CNP: variants seen among roughly 807,000 people sequenced by gnomAD.
The protein encoded by CNP is 2',3'-cyclic nucleotide 3' phosphodiesterase.
A neutral mutation model predicts 37.9 loss-of-function variants in CNP; 8 were observed. The ratio of observed to expected loss-of-function variants is 0.21; its 90% confidence interval spans 0.12 to 0.38. The LOEUF is 0.38. Ranked by LOEUF, CNP falls within the 10% of genes least tolerant of loss-of-function variation. The pLI is 1.00. For synonymous variants in CNP, 237 were observed against 238.3 expected (o/e 0.99, Z 0.05); for missense variants, 457 against 551.0 (o/e 0.83, Z 1.71).
rs1240437820 is a variant in CNP at position 41,974,223 on chromosome 17, T to G, written c.*299T>G. 1.8e-5 allele frequency: 4 copies of G among 221,406 alleles called. No homozygotes were observed. Among genetic ancestry groups the G allele is most frequent in the Non-Finnish European group, 2.7e-5 (3 of 112,964 alleles). The allele number at this position is 221,406 out of a possible 1,614,324, so 13.7% of individuals were successfully genotyped here. A position where few individuals can be genotyped will look rare whatever the true frequency, so the allele number is the denominator to read the frequency against. ...CCACAGCCAGAACCCCGAGCCCTAC[T>G]TCCAGGTTCTGGTTAGCTCAGCCCC... On this transcript the variant is annotated 3_prime_UTR_variant, in exon 4 of 4. Transcript: ENST00000393892.
In CNP at chr17:41,968,831, A is replaced by G. The variant is rs932258522; in HGVS notation, c.676+91A>G. 2 of 1,396,846 alleles carry G rather than the reference A, an allele frequency of 1.4e-6. No homozygotes were observed. The highest frequency in any genetic ancestry group is 2.2e-4 in the Middle Eastern group (1 of 4,452). 86.5% of individuals were successfully genotyped at this position (1,396,846 alleles called of 1,614,324 possible). On this transcript the variant is annotated intron_variant, in intron 2 of 3. Transcript: ENST00000393892. The surrounding 1 kb of genome is among the most constrained non-coding windows in gnomAD (Gnocchi z 4.8). ...CATCATTGTACTCAAAGGATGGAGC[A>G]CGAAGCAGCAGGAGGCAGAGAGAGG... is the stretch of plus-strand genomic sequence containing the variant.
In CNP at chr17:41,973,645, C is replaced by G. The variant is rs1179510539; in HGVS notation, c.987C>G (p.Ala329=). The G allele has an allele frequency of 6.2e-7, 1 of 1,614,102 alleles. No individual in the cohort carries two copies. The highest frequency in any genetic ancestry group is 8.5e-7 in the Non-Finnish European group (1 of 1,180,024). The change falls in exon 4 of 4, where the codon GCC becomes GCG. Residue 329 remains alanine, a synonymous_variant. Coordinates refer to ENST00000393892, the MANE Select transcript of CNP (RefSeq NM_033133.5). ...ACAACCTGCCGCGGGGGAGCCGCGC[C>G]CACATCACCCTCGGCTGTGCAGCTG... is the stretch of plus-strand genomic sequence containing the variant. ...PTDNLPRGSR[A]HITLGCAADV... is the part of the protein sequence containing the mutation.
Position 41,977,440 on chromosome 17 carries a change from C to G in CNP, c.*3516C>G. On this transcript the variant is annotated 3_prime_UTR_variant, in exon 4 of 4. Coordinates refer to ENST00000393892, the MANE Select transcript of CNP (RefSeq NM_033133.5). ...AAAGCTTTCCTGGAGAGTCTCACTC[C>G]CCTCCTTTCCCAACACTTCAGACTG... 1.1e-6 allele frequency: 1 copy of G among 905,302 alleles called. No homozygotes were observed. The highest frequency in any genetic ancestry group is 1.6e-5 in the South Asian group (1 of 60,960). The allele number at this position is 905,302 out of a possible 1,614,324, so 56.1% of individuals were successfully genotyped here.
Position 41,974,843 on chromosome 17 carries a change from C to G in CNP, c.*919C>G, listed in dbSNP as rs751664186. Reference sequence around the variant, plus strand: ...AGAACCCTGGTGAGGAAGCTCCAGTCCTGCTCTCTACCCAGCCCATCTTGC... The same window carrying G: ...AGAACCCTGGTGAGGAAGCTCCAGTGCTGCTCTCTACCCAGCCCATCTTGC... On this transcript the variant is annotated 3_prime_UTR_variant, in exon 4 of 4. Coordinates refer to ENST00000393892, the MANE Select transcript of CNP (RefSeq NM_033133.5). 1 of 152,352 alleles carries G rather than the reference C, an allele frequency of 6.6e-6. No homozygotes were observed. The highest frequency in any genetic ancestry group is 1.5e-5 in the Non-Finnish European group (1 of 68,184). 9.4% of individuals were successfully genotyped at this position (152,352 alleles called of 1,614,324 possible). A position where few individuals can be genotyped will look rare whatever the true frequency, so the allele number is the denominator to read the frequency against.
chr17:41,967,827 C>T, intron 1 of CNP: 2 of 1,364,684 alleles, frequency 1.5e-6, no homozygotes, highest in South Asian at 1.8e-5. Context: ...ATGCCTCCAG[C>T]ACGTTTACCT....
intron 2 of CNP, chr17:41,971,466 T>G (rs1454627669): frequency 2.6e-5 from 4 of 153,040 alleles, no homozygotes; most frequent in Non-Finnish European, 5.8e-5. Context: ...TGGCACTATC[T>G]CGGCTCGCTG....
At position 41,976,887 on chromosome 17, in the gene CNP, CTA is replaced by C; in HGVS notation, c.*2965_*2966del. On this transcript the variant is annotated 3_prime_UTR_variant, in exon 4 of 4. Coordinates refer to ENST00000393892, the MANE Select transcript of CNP (RefSeq NM_033133.5). ...TCAAACTCAAACACAGAGAGAAACT[CTA>C]TGGGTATCAAACAGCTCAGGCTGTT... 1 of 1,299,898 alleles carries C rather than the reference CTA, an allele frequency of 7.7e-7. No homozygotes were observed. Among genetic ancestry groups the C allele is most frequent in the Non-Finnish European group, 1.1e-6 (1 of 946,150 alleles). The allele number at this position is 1,299,898 out of a possible 1,614,324, so 80.5% of individuals were successfully genotyped here. A position where few individuals can be genotyped will look rare whatever the true frequency, so the allele number is the denominator to read the frequency against.
At position 41,972,893 on chromosome 17, in the gene CNP, G is replaced by A. The variant is rs1598105192; in HGVS notation, c.817-582G>A. 2.0e-5 allele frequency among the ~76,000 whole-genome samples: 3 copies of A among 152,230 alleles called. No homozygotes were observed. The South Asian group carries it at 6.2e-4, about 32-fold the overall frequency. ...CGTTTATGCTGAGATGGGATGGGCT[G>A]TCTCAAAGAATCAGATAGAAGCAGA... On this transcript the variant is annotated intron_variant, in intron 3 of 3. Coordinates refer to ENST00000393892, the MANE Select transcript of CNP (RefSeq NM_033133.5).
In CNP at chr17:41,968,269, G is replaced by C. The variant is rs368980681; in HGVS notation, c.205G>C (p.Val69Leu). The stretch of plus-strand genomic sequence containing the variant: ...AAGCGGCAAGTCCACGCTGGCACGG[G>C]TCATCGTGGACAAGTACCGTGATGG... ...PGSGKSTLARVIVDKYRDGTK... is the reference protein window; with the variant it reads ...PGSGKSTLARLIVDKYRDGTK... The change falls in exon 2 of 4, where the codon GTC (valine) becomes CTC (leucine). Residue 69 changes from valine (V) to leucine (L), a missense_variant. This residue lies in a region of CNP where 166 missense variants were observed against 259.3 expected (regional missense o/e 0.64). Transcript: ENST00000393892. The surrounding 1 kb of genome is among the most constrained non-coding windows in gnomAD (Gnocchi z 4.8). The C allele has an allele frequency of 6.2e-7, 1 of 1,613,992 alleles. No homozygotes were observed. The highest frequency in any genetic ancestry group is 1.3e-5 in the African/African-American group (1 of 74,926).
intron 3 of CNP, 113 bp downstream of exon 3, chr17:41,972,144 G>A: frequency 7.5e-7 from 1 of 1,339,308 alleles, no homozygotes; most frequent in Non-Finnish European, 1.0e-6. Context: ...CCAGATGGCA[G>A]CTCAAGAAAA....
chr17:41,968,648 C>A lies in CNP; in HGVS notation c.584C>A (p.Thr195Asn). The change falls in exon 2 of 4, where the codon ACC (threonine) becomes AAC (asparagine). Residue 195 changes from threonine (T) to asparagine (N), a missense_variant. By Grantham distance (65) the Thr-to-Asn change is moderately conservative. Coordinates refer to ENST00000393892, the MANE Select transcript of CNP (RefSeq NM_033133.5). This position sits in a 1 kb window ranked among gnomAD's most constrained non-coding sequence, Gnocchi z 4.8. Reference protein sequence around the residue: ...FLPLYFGWFLTKKSSETLRKA... With the variant: ...FLPLYFGWFLNKKSSETLRKA... ...CCGCTCTACTTCGGCTGGTTCCTGA[C>A]CAAGAAGAGCTCTGAGACCCTCCGC... 6.2e-7 allele frequency: 1 copy of A among 1,614,112 alleles called. No individual in the cohort carries two copies. Among genetic ancestry groups the A allele is most frequent in the South Asian group, 1.1e-5 (1 of 91,078 alleles).
intron 1 of CNP, 62 bp downstream of exon 1, chr17:41,966,949 C>T: frequency 3.1e-6 from 4 of 1,272,258 alleles, no homozygotes. Context: ...GTGTCGGGGC[C>T]CCTCGGGAGG....
rs922351262 is a variant in CNP at position 41,974,195 on chromosome 17, G to A, written c.*271G>A. ...ACGAGGCTGGGCCAAGCCAGGGATG[G>A]GGCCACAGCCAGAACCCCGAGCCCT... On this transcript the variant is annotated 3_prime_UTR_variant, in exon 4 of 4. Coordinates refer to ENST00000393892, the MANE Select transcript of CNP (RefSeq NM_033133.5). The A allele has an allele frequency of 3.6e-6, 1 of 281,092 alleles. No homozygotes were observed. Among genetic ancestry groups the A allele is most frequent in the Non-Finnish European group, 6.6e-6 (1 of 151,294 alleles). The allele number at this position is 281,092 out of a possible 1,614,324, so 17.4% of individuals were successfully genotyped here.
chr17:41,972,128 CA>C, intron 3 of CNP, 97 bp downstream of exon 3: 34 of 1,456,330 alleles, frequency 2.3e-5, no homozygotes, highest in Non-Finnish European at 2.7e-5. Context: ...AGGCAGGGAC[CA>C]AAAACCAGAT....
intron 3 of CNP, among the ~76,000 whole-genome samples, chr17:41,972,736 C>T (rs868941847): frequency 3.3e-5 from 5 of 152,322 alleles, no homozygotes; most frequent in Middle Eastern, 6.8e-3. Context: ...GGTTCCAGCA[C>T]CCTAGCATAG....
rs2051069866 is a variant in CNP, at chr17:41,975,958, C to A, written c.*2034C>A. 1 of 152,252 alleles carries A rather than the reference C, an allele frequency of 6.6e-6. No individual in the cohort carries two copies. The highest frequency in any genetic ancestry group is 2.1e-4 in the South Asian group (1 of 4,832). The allele number at this position is 152,252 out of a possible 1,614,324, so 9.4% of individuals were successfully genotyped here. Reference sequence around the variant, plus strand: ...GCTTTTGCTAAAAATAGTGGCCAGACCAGAGCTCTGGAGCCACCTGTCCCA... The same window carrying A: ...GCTTTTGCTAAAAATAGTGGCCAGAACAGAGCTCTGGAGCCACCTGTCCCA... On this transcript the variant is annotated 3_prime_UTR_variant, in exon 4 of 4. Transcript: ENST00000393892.
chr17:41,967,981 A>T, intron 1 of CNP, 87 bp from the exon 2 acceptor site: 1 of 1,525,326 alleles, frequency 6.6e-7, no homozygotes, highest in Non-Finnish European at 8.8e-7. Flanking sequence ...TTGGGAAGGC[A>T]CCCACAACCA....
In CNP at chr17:41,968,153, C is replaced by T. The variant is rs1283506174; in HGVS notation, c.89C>T (p.Pro30Leu). 3 of 1,614,138 alleles carry T rather than the reference C, an allele frequency of 1.9e-6. No individual in the cohort carries two copies. Among genetic ancestry groups the T allele is most frequent in the Non-Finnish European group, 2.5e-6 (3 of 1,180,058 alleles). Reference sequence around the variant, plus strand: ...TCATCCTCAGGGGCCAAGGACAAGCCTGAGCTGCAGTTTCCCTTCCTTCAG... The same window carrying T: ...TCATCCTCAGGGGCCAAGGACAAGCTTGAGCTGCAGTTTCCCTTCCTTCAG... ...KMSSSGAKDK[P>L]ELQFPFLQDE... Residue 30 changes from proline (P) to leucine (L), a missense_variant, in exon 2 of 4, where the codon CCT (proline) becomes CTT (leucine). By Grantham distance (98) the Pro-to-Leu change is moderately conservative. Coordinates refer to ENST00000393892, the MANE Select transcript of CNP (RefSeq NM_033133.5). The surrounding 1 kb of genome is among the most constrained non-coding windows in gnomAD (Gnocchi z 4.8).
At chr17:41,967,030 T>C in intron 1 of CNP, 143 bp downstream of exon 1, 1 of 980,630 alleles carries the variant, frequency 1.0e-6, no homozygotes, top group South Asian at 3.6e-5. Flanking sequence ...AGGGCGGCCC[T>C]GAGGTCTGGG....
Sources: allele counts gnomAD v4.1 joint callset (sites outside exome capture counted in the v4.1 genomes callset), GRCh38; gene constraint gnomAD v4.1.1; regional missense constraint gnomAD v4.1.1; non-coding constraint Gnocchi (gnomAD v3.1); transcripts MANE v1.5; gene names NCBI Gene and HGNC (gene_info 2026-07-23, HGNC 2026-07-21).